Variants in AKAP12 observed in about 807,000 individuals in gnomAD.
AKAP12 encodes A-kinase anchor protein 12.
Under a neutral mutation model 79.9 loss-of-function variants are expected in AKAP12, and 32 were observed. The ratio of observed to expected loss-of-function variants is 0.40; its 90% CI spans 0.30 to 0.54. AKAP12 has a LOEUF of 0.54. AKAP12 is among the 20% of genes least tolerant of loss of function. AKAP12 has a pLI of 0.48. For synonymous variants in AKAP12, 808 were observed against 857.0 expected, an observed-to-expected ratio of 0.94 and a Z score of 1.00; for missense variants, 2,074 against 2,177.0, an observed-to-expected ratio of 0.95 and a Z score of 0.94.
At chr6:151,275,650 G>A (rs1462821865) in intron 2 of AKAP12, among the ~76,000 whole-genome samples, 1 of 152,140 alleles carries the variant, frequency 6.6e-6, no homozygotes, top group Non-Finnish European at 1.5e-5. Context: ...TAGGAATTTG[G>A]ATGTTAAAAA....
At chr6:151,278,436 G>A (rs1229544446) in intron 2 of AKAP12, among the ~76,000 whole-genome samples, 1 of 152,070 alleles carries the variant, frequency 6.6e-6, no homozygotes, top group Non-Finnish European at 1.5e-5. Flanking sequence ...GACTGGTCTC[G>A]AACTCCTTAC....
chr6:151,337,359 C>CA (rs1291955681), intron 3 of AKAP12, among the ~76,000 whole-genome samples: 2 of 151,476 alleles, frequency 1.3e-5, no homozygotes, highest in East Asian at 3.9e-4. Context: ...ACTAAAAATA[C>CA]AAAAAATTAG....
chr6:151,312,091 C>T (rs150786239), intron 3 of AKAP12, among the ~76,000 whole-genome samples: 1 of 152,266 alleles, frequency 6.6e-6, no homozygotes, highest in Non-Finnish European at 1.5e-5. Context: ...CACATTACAG[C>T]CCTCCACTCC....
At chr6:151,284,501 G>A (rs375108322) in intron 2 of AKAP12, among the ~76,000 whole-genome samples, 4 of 152,066 alleles carry the variant, frequency 2.6e-5, no homozygotes, top group Non-Finnish European at 5.9e-5. Context: ...GGCAGTGTGC[G>A]CCTGTAGTCC....
At chr6:151,253,296 T>C (rs1187211183) in intron 2 of AKAP12, among the ~76,000 whole-genome samples, 2 of 152,236 alleles carry the variant, frequency 1.3e-5, no homozygotes, top group East Asian at 1.9e-4. Flanking sequence ...CACAAAGTTA[T>C]AGGAAATTAC....
intron 4 of AKAP12, among the ~76,000 whole-genome samples, chr6:151,355,152 A>G (rs1158476654): frequency 2.0e-5 from 3 of 150,816 alleles, no homozygotes; most frequent in Non-Finnish European, 4.4e-5. Context: ...ACACACCACC[A>G]TGCCCAGCTT....
chr6:151,277,980 GTTTA>G (rs753251604), intron 2 of AKAP12, among the ~76,000 whole-genome samples: 2 of 58,128 alleles, frequency 3.4e-5, no homozygotes, highest in Non-Finnish European at 8.7e-5. Context: ...GTGTCTGTCT[GTTTA>G]TTTTTTTCTA....
At chr6:151,240,328 G>GC (rs1054269049) in intron 1 of AKAP12, 56 bp from the exon 2 acceptor site, 5 of 396,994 alleles carry the variant, frequency 1.3e-5, no homozygotes, top group African/African-American at 1.0e-4. Flanking sequence ...AAAAACCGGG[G>GC]GGAGGGGGGC....
At chr6:151,297,572 CAA>C (rs3029353) in intron 2 of AKAP12, among the ~76,000 whole-genome samples, 33,015 of 122,314 alleles carry the variant, frequency 0.27, 4,319 homozygotes, top group Middle Eastern at 0.35. Flanking sequence ...GAGTTCGTCT[CAA>C]AAAAAAAAAA....
intron 2 of AKAP12, among the ~76,000 whole-genome samples, chr6:151,264,368 TAAA>T (rs11324571): frequency 1.3e-4 from 14 of 104,714 alleles, no homozygotes; most frequent in Admixed American, 2.1e-4. Context: ...CCCCACCTCT[TAAA>T]AAAAAAAAAA....
chr6:151,286,943 C>CTT (rs979438335), intron 2 of AKAP12, among the ~76,000 whole-genome samples: 5 of 146,038 alleles, frequency 3.4e-5, no homozygotes, highest in African/African-American at 1.2e-4. Context: ...CTTTTTCTTT[C>CTT]TTTTTTTTTT....
Position 151,349,535 on chromosome 6 carries a change from G to C in AKAP12, c.1144G>C (p.Glu382Gln), listed in dbSNP as rs879130934. 8.1e-6 allele frequency: 13 copies of C among 1,612,002 alleles called. No homozygotes were observed. The highest frequency in any genetic ancestry group is 1.1e-5 in the Non-Finnish European group (13 of 1,179,452). Residue 382 changes from glutamate to glutamine, a missense_variant, in exon 4 of 5, where the codon GAG becomes CAG. This residue lies in a region of AKAP12 where 1,428 missense variants were observed against 1,451.0 expected (regional missense o/e 0.98). Coordinates refer to ENST00000402676, the MANE Select transcript of AKAP12 (RefSeq NM_005100.4). Reference protein sequence around the residue: ...AEYEKVELPSEEQVSGSQGPS... With the variant: ...AEYEKVELPSQEQVSGSQGPS... ...ATATGAGAAAGTTGAGCTGCCCTCA[G>C]AGGAGCAAGTCAGTGGCTCGCAGGG...
At chr6:151,318,100 C>A (rs553392989) in intron 3 of AKAP12, among the ~76,000 whole-genome samples, 1 of 151,976 alleles carries the variant, frequency 6.6e-6, no homozygotes, top group South Asian at 2.1e-4. Flanking sequence ...GGAGGGAAAG[C>A]CTTTGTGAGG....
At chr6:151,249,616 T>C (rs1330356023) in intron 2 of AKAP12, among the ~76,000 whole-genome samples, 1 of 152,264 alleles carries the variant, frequency 6.6e-6, no homozygotes, top group Non-Finnish European at 1.5e-5. Context: ...CTACTGATGA[T>C]GTCTAGAAGG....
rs1205008172 is a variant in AKAP12, at chr6:151,280,511, A to C, written c.163-25236A>C. 6 of 152,222 alleles carry C rather than the reference A, an allele frequency of 3.9e-5. No homozygotes were observed. In the South Asian group the frequency reaches 6.2e-4, roughly 16 times the overall value. The allele number at this position is 152,222 out of a possible 1,614,324, so 9.4% of individuals were successfully genotyped here. On this transcript the variant is annotated intron_variant, in intron 2 of 4. Coordinates refer to ENST00000402676, the MANE Select transcript of AKAP12 (RefSeq NM_005100.4). The stretch of plus-strand genomic sequence containing the variant: ...TTCAATAGCTCACAGCACACACTGT[A>C]TATAAAAATATGGAACGCTTTACAA...
rs913859427 is a variant in AKAP12 at position 151,240,628 on chromosome 6, G to A, written c.66G>A (p.Pro22=). The A allele has an allele frequency of 1.1e-5, 15 of 1,376,072 alleles. No individual in the cohort carries two copies. Among genetic ancestry groups the A allele is most frequent in the African/African-American group, 1.5e-5 (1 of 65,766 alleles). The allele number at this position is 1,376,072 out of a possible 1,614,324, so 85.2% of individuals were successfully genotyped here. A position where few individuals can be genotyped will look rare whatever the true frequency, so the allele number is the denominator to read the frequency against. The change falls in exon 2 of 5, where the codon CCG becomes CCA. Residue 22 remains proline, a synonymous_variant. Coordinates refer to ENST00000402676, the MANE Select transcript of AKAP12 (RefSeq NM_005100.4). ...AGCCGCCCGAGGGGAGCTCCACGCCGGCTGAGCCCGAGCCCAGCGGCGGCG... is the reference window on the plus strand; with the variant it reads ...AGCCGCCCGAGGGGAGCTCCACGCCAGCTGAGCCCGAGCCCAGCGGCGGCG... ...PEQPPEGSST[P]AEPEPSGGGP... is the part of the protein sequence containing the mutation.
At chr6:151,306,673 A>G (rs993784090) in intron 3 of AKAP12, among the ~76,000 whole-genome samples, 1 of 152,210 alleles carries the variant, frequency 6.6e-6, no homozygotes, top group African/African-American at 2.4e-5. Context: ...ACATCGCCTC[A>G]CTTAGATGAG....
chr6:151,329,942 T>C (rs1777625329), intron 3 of AKAP12, among the ~76,000 whole-genome samples: 1 of 152,186 alleles, frequency 6.6e-6, no homozygotes, highest in African/African-American at 2.4e-5. Context: ...CTCTTTCTCG[T>C]TGTGAAGATG....
chr6:151,291,914 T>C (rs1231225781), intron 2 of AKAP12, among the ~76,000 whole-genome samples: 1 of 152,200 alleles, frequency 6.6e-6, no homozygotes, highest in Non-Finnish European at 1.5e-5. Flanking sequence ...TGCAGTGCCT[T>C]CTATCTTGAA....
Sources: allele counts gnomAD v4.1 joint callset (sites outside exome capture counted in the v4.1 genomes callset), GRCh38; gene constraint gnomAD v4.1.1; regional missense constraint gnomAD v4.1.1; transcripts MANE v1.5; gene names NCBI Gene and HGNC (gene_info 2026-07-23, HGNC 2026-07-21).